TMEM135: variants seen among roughly 807,000 people sequenced by gnomAD.
TMEM135 encodes transmembrane protein 135, also known as peroxisomal membrane protein 52.
Under a neutral mutation model 60.3 loss-of-function variants are expected in TMEM135, and 30 were observed. The ratio of observed to expected loss-of-function variants is 0.50; its 90% confidence interval spans 0.37 to 0.68. TMEM135 has a LOEUF of 0.68. TMEM135 is among the 30% of genes least tolerant of loss of function. The pLI is 0.00. For synonymous variants in TMEM135, 190 were observed against 186.7 expected (o/e 1.02, Z -0.14); for missense variants, 468 against 548.8 (o/e 0.85, Z 1.47).
intron 5 of TMEM135, among the ~76,000 whole-genome samples, chr11:87,219,694 A>C (rs1393620851): frequency 6.6e-6 from 1 of 152,198 alleles, no homozygotes; most frequent in African/African-American, 2.4e-5. Context: ...GGGCTTTAAC[A>C]TATGAATTTT....
At chr11:87,117,839 G>T (rs1857931144) in intron 4 of TMEM135, among the ~76,000 whole-genome samples, 1 of 152,140 alleles carries the variant, frequency 6.6e-6, no homozygotes, top group African/African-American at 2.4e-5. Context: ...TTTCCAGAAG[G>T]TTTACAATTT....
chr11:87,058,268 T>C (rs1323054848), intron 1 of TMEM135, among the ~76,000 whole-genome samples: 1 of 152,222 alleles, frequency 6.6e-6, no homozygotes, highest in Non-Finnish European at 1.5e-5. Flanking sequence ...GATTGATACA[T>C]AAAATTAAAC....
chr11:87,069,345 A>G (rs1244531259), intron 2 of TMEM135, among the ~76,000 whole-genome samples: 4 of 151,922 alleles, frequency 2.6e-5, no homozygotes, highest in Non-Finnish European at 5.9e-5. Flanking sequence ...TTTTAAAAAA[A>G]TTGCAGTTAA....
rs114740113 is a variant in TMEM135, at chr11:87,304,056, T to G, written c.698+1614T>G. The stretch of plus-strand genomic sequence containing the variant: ...AGACTAATTGACAGTACGGTTGATA[T>G]CAGGATTTAACTTCACTAGCAAAGA... On this transcript the variant is annotated intron_variant, in intron 8 of 14. Coordinates refer to ENST00000305494, the MANE Select transcript of TMEM135 (RefSeq NM_022918.4). 5.4e-3 allele frequency among the ~76,000 whole-genome samples: 829 copies of G among 152,218 alleles called. 9 individuals are homozygous for G. The highest frequency in any genetic ancestry group is 0.018 in the African/African-American group (768 of 41,534).
intron 4 of TMEM135, among the ~76,000 whole-genome samples, chr11:87,146,520 T>A (rs1938422396): frequency 6.6e-6 from 1 of 152,202 alleles, no homozygotes; most frequent in Admixed American, 6.5e-5. Context: ...GGGAGGCTAC[T>A]TCCGTGTGTG....
Position 87,322,609 on chromosome 11 carries a change from T to C in TMEM135, c.*1276T>C. ...GATGATGATATTTTTAAAATACATT[T>C]TGTTGCTAAAAAGTTTTTAGGCCAG... is the stretch of plus-strand genomic sequence containing the variant. On this transcript the variant is annotated 3_prime_UTR_variant, in exon 15 of 15. Coordinates refer to ENST00000305494, the MANE Select transcript of TMEM135 (RefSeq NM_022918.4). 1 of 454,004 alleles carries C rather than the reference T, an allele frequency of 2.2e-6. No individual in the cohort carries two copies. 28.1% of individuals were successfully genotyped at this position (454,004 alleles called of 1,614,324 possible).
intron 6 of TMEM135, among the ~76,000 whole-genome samples, chr11:87,284,044 T>G (rs1210603363): frequency 1.3e-5 from 2 of 152,194 alleles, no homozygotes; most frequent in African/African-American, 4.8e-5. Context: ...GTAAATAATT[T>G]TGGTTCGTAG....
chr11:87,089,159 C>T (rs779093505), intron 3 of TMEM135, among the ~76,000 whole-genome samples: 1 of 151,930 alleles, frequency 6.6e-6, no homozygotes, highest in African/African-American at 2.4e-5. Context: ...CTACAAAATA[C>T]AAAAAAATCA....
intron 5 of TMEM135, among the ~76,000 whole-genome samples, chr11:87,222,763 C>A (rs1940667485): frequency 6.6e-6 from 1 of 151,940 alleles, no homozygotes; most frequent in South Asian, 2.1e-4. Context: ...TGAGATCATG[C>A]CATTGCACTC....
rs767653308 is a variant in TMEM135, at chr11:87,105,781, G to A, written c.396+14386G>A. 1.1e-4 allele frequency among the ~76,000 whole-genome samples: 16 copies of A among 152,126 alleles called. 1 individual carries two copies. The highest frequency in any genetic ancestry group is 4.1e-4 in the South Asian group (2 of 4,830). ...TTTATTTACAGATTTCTGTAGTGTT[G>A]GGAACATTTTAAATCTTTTCTTTTA... On this transcript the variant is annotated intron_variant, in intron 4 of 14. Transcript: ENST00000305494.
chr11:87,184,861 C>T (rs2135308155), intron 5 of TMEM135, among the ~76,000 whole-genome samples: 1 of 152,192 alleles, frequency 6.6e-6, no homozygotes, highest in South Asian at 2.1e-4. Context: ...TTTGTGAAAA[C>T]CCAGTATGGC....
chr11:87,244,637 T>A (rs1220121618), intron 6 of TMEM135, among the ~76,000 whole-genome samples: 1 of 82,810 alleles, frequency 1.2e-5, no homozygotes, highest in East Asian at 2.2e-4. Context: ...TTTATTTGCG[T>A]AGAGGTGTTT....
intron 6 of TMEM135, among the ~76,000 whole-genome samples, chr11:87,276,828 T>C (rs1941976731): frequency 6.6e-6 from 1 of 151,776 alleles, no homozygotes. Flanking sequence ...GAGGCCACCA[T>C]GCCTGGCTAA....
intron 5 of TMEM135, among the ~76,000 whole-genome samples, chr11:87,213,281 G>GAAGCA (rs1940419562): frequency 6.6e-6 from 1 of 152,118 alleles, no homozygotes; most frequent in Non-Finnish European, 1.5e-5. Context: ...CTCTACCAGT[G>GAAGCA]TCCTGTGGAA....
intron 7 of TMEM135, among the ~76,000 whole-genome samples, chr11:87,299,332 A>C (rs192718918): frequency 2.5e-4 from 38 of 152,282 alleles, no homozygotes; most frequent in African/African-American, 8.7e-4. Flanking sequence ...AGGTGGCAGG[A>C]GAGGGAGAGA....
chr11:87,315,451 G>C (rs1377924108), intron 12 of TMEM135, among the ~76,000 whole-genome samples: 1 of 151,822 alleles, frequency 6.6e-6, no homozygotes, highest in African/African-American at 2.4e-5. Flanking sequence ...AAAATGTCTG[G>C]TTCTCTCTCT....
In TMEM135 at chr11:87,254,280, T is replaced by C. The variant is rs559319186; in HGVS notation, c.509+17596T>C. Among the ~76,000 whole-genome samples the C allele has an allele frequency of 8.5e-5, 13 of 152,286 alleles. No homozygotes were observed. In the East Asian group the frequency reaches 2.5e-3, roughly 29 times the overall value. On this transcript the variant is annotated intron_variant, in intron 6 of 14. Coordinates refer to ENST00000305494, the MANE Select transcript of TMEM135 (RefSeq NM_022918.4). ...GTTAAAAAAATTTAAGGATTAGAAGTAAAATTTTTAGCCTTTCAGAGTTTT... is the reference window on the plus strand; with the variant it reads ...GTTAAAAAAATTTAAGGATTAGAAGCAAAATTTTTAGCCTTTCAGAGTTTT...
Position 87,196,992 on chromosome 11 carries a change from A to G in TMEM135, c.462+39586A>G, listed in dbSNP as rs185146773. ...AGCATTGGTGAGATACTGATGAAAC[A>G]TAGTTACATTTCTCCTAATGAAAAA... On this transcript the variant is annotated intron_variant, in intron 5 of 14. Coordinates refer to ENST00000305494, the MANE Select transcript of TMEM135 (RefSeq NM_022918.4). Among the ~76,000 whole-genome samples the G allele has an allele frequency of 6.8e-3, 1,036 of 152,260 alleles. 51 individuals are homozygous for G. The highest frequency in any genetic ancestry group is 0.059 in the Admixed American group (898 of 15,292).
At chr11:87,136,818 C>T (rs1432943247) in intron 4 of TMEM135, among the ~76,000 whole-genome samples, 2 of 151,980 alleles carry the variant, frequency 1.3e-5, no homozygotes, top group Non-Finnish European at 2.9e-5. Flanking sequence ...TCCTCATTAT[C>T]CCTTTAATTT....
Sources: allele counts gnomAD v4.1 joint callset (sites outside exome capture counted in the v4.1 genomes callset), GRCh38; gene constraint gnomAD v4.1.1; transcripts MANE v1.5; gene names NCBI Gene and HGNC (gene_info 2026-07-23, HGNC 2026-07-21).